SPON1: variants seen among roughly 807,000 people sequenced by gnomAD.
SPON1 encodes spondin-1.
Under a neutral mutation model 111.7 loss-of-function variants are expected in SPON1, and 52 were observed. That is an observed-to-expected ratio of 0.47 (90% confidence interval 0.37 to 0.59). The LOEUF is 0.59. Among genes scored for constraint, SPON1 ranks in the 20% least tolerant of loss-of-function variants. SPON1 has a pLI of 0.00. For missense variants in SPON1, 957 were observed against 1,068.5 expected (o/e 0.90, Z 1.46); for synonymous variants, 410 against 395.8 (o/e 1.04, Z -0.43).
intron 2 of SPON1, among the ~76,000 whole-genome samples, chr11:14,013,901 T>C (rs1220353683): frequency 6.6e-6 from 1 of 152,192 alleles, no homozygotes; most frequent in Non-Finnish European, 1.5e-5. Context: ...ACCTGTAGGG[T>C]GTTTCTTCCT....
At chr11:14,160,679 T>TTATATATTTA (rs1847918011) in intron 6 of SPON1, among the ~76,000 whole-genome samples, 1 of 11,018 alleles carries the variant, frequency 9.1e-5, no homozygotes, top group African/African-American at 3.0e-4. Flanking sequence ...TTACATATAT[T>TTATATATTTA]TATATATATA....
intron 1 of SPON1, among the ~76,000 whole-genome samples, chr11:13,980,975 T>C (rs12802257): frequency 1.3e-5 from 2 of 152,212 alleles, no homozygotes; most frequent in African/African-American, 2.4e-5. Context: ...TGAGATCCCT[T>C]GAAGGTCTAA....
chr11:14,261,890 T>G (rs1412035036), intron 14 of SPON1, among the ~76,000 whole-genome samples: 3 of 152,202 alleles, frequency 2.0e-5, no homozygotes, highest in African/African-American at 7.2e-5. Flanking sequence ...ATAAGAAAGC[T>G]GCCTGAGCTT....
At chr11:14,138,150 G>T (rs1484236618) in intron 6 of SPON1, among the ~76,000 whole-genome samples, 2 of 152,048 alleles carry the variant, frequency 1.3e-5, no homozygotes, top group Non-Finnish European at 2.9e-5. Flanking sequence ...CCTGAGTCCA[G>T]CCATGATGAA....
At chr11:14,049,542 G>T (rs1218559576) in intron 3 of SPON1, among the ~76,000 whole-genome samples, 1 of 152,138 alleles carries the variant, frequency 6.6e-6, no homozygotes, top group Non-Finnish European at 1.5e-5. Context: ...GCCTTCCACT[G>T]CATCTCTCTC....
chr11:14,021,453 T>C (rs1047259973), intron 2 of SPON1, among the ~76,000 whole-genome samples: 3 of 152,242 alleles, frequency 2.0e-5, no homozygotes, highest in African/African-American at 7.2e-5. Flanking sequence ...TGGTCTTCAG[T>C]ATGAATGCCT....
chr11:14,144,275 T>C (rs923663508), intron 6 of SPON1, among the ~76,000 whole-genome samples: 2 of 152,042 alleles, frequency 1.3e-5, no homozygotes, highest in Non-Finnish European at 2.9e-5. Context: ...AAGACATAAA[T>C]TGGGCTAGGT....
At chr11:14,179,361 C>A (rs1027988000) in intron 6 of SPON1, among the ~76,000 whole-genome samples, 1 of 152,186 alleles carries the variant, frequency 6.6e-6, no homozygotes, top group African/African-American at 2.4e-5. Flanking sequence ...TCCAGGGAGA[C>A]AGAGCCAAAG....
At chr11:14,140,544 G>A (rs919861119) in intron 6 of SPON1, among the ~76,000 whole-genome samples, 3 of 152,018 alleles carry the variant, frequency 2.0e-5, no homozygotes, top group African/African-American at 7.2e-5. Context: ...ACAGGCGCCT[G>A]CCATCATGCC....
chr11:14,230,378 C>T (rs112456093), intron 6 of SPON1, among the ~76,000 whole-genome samples: 53 of 152,274 alleles, frequency 3.5e-4, no homozygotes, highest in African/African-American at 1.3e-3. Context: ...CTGCGTCAGA[C>T]ATTTCTAAGT....
intron 3 of SPON1, 82 bp from the exon 4 acceptor site, chr11:14,075,263 A>G: frequency 9.4e-7 from 1 of 1,066,006 alleles, no homozygotes; most frequent in Non-Finnish European, 1.4e-6. Context: ...CACAAAGCCA[A>G]GCAGGGACTA....
chr11:13,989,307 T>C lies in SPON1; in HGVS notation c.345+6354T>C, dbSNP rs185334392. ...TTTATGTGTCCAGGAATTTATCCAT[T>C]TCTTCTAGATTTTCTAGCTTATTTG... On this transcript the variant is annotated intron_variant, in intron 2 of 15. Transcript: ENST00000576479. Among the ~76,000 whole-genome samples, 17 of 152,350 alleles carry C rather than the reference T, an allele frequency of 1.1e-4. 1 individual carries two copies. The highest frequency in any genetic ancestry group is 3.8e-4 in the African/African-American group (16 of 41,586).
chr11:14,014,204 T>G (rs1025758965), intron 2 of SPON1, among the ~76,000 whole-genome samples: 1 of 152,040 alleles, frequency 6.6e-6, no homozygotes, highest in Non-Finnish European at 1.5e-5. Flanking sequence ...GCCTGGTGCC[T>G]TATGTCTGTG....
rs782775805 is a variant in SPON1 at position 14,257,892 on chromosome 11, G to C, written c.1486G>C (p.Asp496His). The C allele has an allele frequency of 1.9e-6, 3 of 1,547,532 alleles. No homozygotes were observed. In the South Asian group the frequency reaches 3.6e-5, roughly 19 times the overall value. ...GCCCTGCATGGGCCCTGGCTGCAGT[G>C]ACGAAGGTGAGGAGACAACCCAGAC... ...FQPCMGPGCSDEDGSTCTMSE... is the reference protein window; with the variant it reads ...FQPCMGPGCSHEDGSTCTMSE... Residue 496 changes from aspartate (D) to histidine (H), a missense_variant, in exon 11 of 16, where the codon GAC becomes CAC. Asp to His is a moderately conservative substitution (Grantham distance 81, BLOSUM62 -1). Around this residue, in one of 5 missense-constraint regions of SPON1, gnomAD observed 549 missense variants for 606.2 expected, o/e 0.91. Transcript: ENST00000576479.
intron 2 of SPON1, among the ~76,000 whole-genome samples, chr11:13,995,426 A>C (rs1554911691): frequency 6.6e-6 from 1 of 152,196 alleles, no homozygotes; most frequent in Non-Finnish European, 1.5e-5. Flanking sequence ...CAATCATGGT[A>C]GAAGGCAAAG....
intron 5 of SPON1, among the ~76,000 whole-genome samples, chr11:14,132,519 T>TA (rs1847539947): frequency 1.3e-5 from 2 of 152,162 alleles, no homozygotes; most frequent in Admixed American, 6.5e-5. Context: ...TCTTGTGCTA[T>TA]AAAAAACCCT....
In SPON1 at chr11:14,257,910, AC is replaced by A; in HGVS notation, c.1492+15del. On this transcript the variant is annotated intron_variant, in intron 11 of 15. Coordinates refer to ENST00000576479, the MANE Select transcript of SPON1 (RefSeq NM_006108.4). ...CTGCAGTGACGAAGGTGAGGAGACA[AC>A]CCAGACCAGCCAGGGGCTGGCAGGA... 2 of 1,522,760 alleles carry A rather than the reference AC, an allele frequency of 1.3e-6. No individual in the cohort carries two copies. The highest frequency in any genetic ancestry group is 1.4e-5 in the African/African-American group (1 of 72,580). 94.3% of individuals were successfully genotyped at this position (1,522,760 alleles called of 1,614,324 possible).
intron 6 of SPON1, among the ~76,000 whole-genome samples, chr11:14,206,013 C>T (rs1417187323): frequency 6.6e-6 from 1 of 152,160 alleles, no homozygotes; most frequent in Admixed American, 6.5e-5. Flanking sequence ...TCACCCCTAA[C>T]CCCAGCCCTC....
intron 6 of SPON1, among the ~76,000 whole-genome samples, chr11:14,229,995 A>G (rs1240840194): frequency 6.5e-5 from 9 of 139,188 alleles, no homozygotes; most frequent in East Asian, 2.0e-4. Flanking sequence ...TGTGTTCTCA[A>G]ATTCCTAGAA....
Sources: allele counts gnomAD v4.1 joint callset (sites outside exome capture counted in the v4.1 genomes callset), GRCh38; gene constraint gnomAD v4.1.1; regional missense constraint gnomAD v4.1.1; transcripts MANE v1.5; gene names NCBI Gene and HGNC (gene_info 2026-07-23, HGNC 2026-07-21).